CSMD1: variants seen among roughly 807,000 people sequenced by gnomAD.
CSMD1 encodes CUB and Sushi multiple domains 1, also known as CUB and sushi domain-containing protein 1.
CSMD1 carries 213 observed loss-of-function variants against 417.5 expected under a neutral mutation model. The ratio of observed to expected loss-of-function variants is 0.51; its 90% CI spans 0.46 to 0.57. The LOEUF (loss-of-function observed/expected upper bound fraction) is 0.57. Among genes scored for constraint, CSMD1 ranks in the 20% least tolerant of loss-of-function variants. CSMD1 has a pLI of 0.00. For synonymous variants in CSMD1, 2,862 were observed against 1,736.8 expected, an observed-to-expected ratio of 1.65 and a Z score of -16.11; for missense variants, 6,923 against 4,529.7, an observed-to-expected ratio of 1.53 and a Z score of -15.17.
At chr8:4,424,012 TAGTA>T (rs1489425839) in intron 2 of CSMD1, among the ~76,000 whole-genome samples, 1 of 151,938 alleles carries the variant, frequency 6.6e-6, no homozygotes, top group African/African-American at 2.4e-5. Context: ...CCATAGCAAA[TAGTA>T]AGTTTAACAC....
chr8:3,836,468 G>A (rs958053109), intron 5 of CSMD1, among the ~76,000 whole-genome samples: 1 of 152,138 alleles, frequency 6.6e-6, no homozygotes, highest in Non-Finnish European at 1.5e-5. Flanking sequence ...AACTGTAGAG[G>A]AGATGTAGCA....
intron 1 of CSMD1, among the ~76,000 whole-genome samples, chr8:4,725,182 T>C (rs991654136): frequency 6.6e-6 from 1 of 152,062 alleles, no homozygotes; most frequent in East Asian, 1.9e-4. Context: ...ACAATAAAAG[T>C]CAGAGAATAA....
chr8:3,582,672 C>T (rs534752046), intron 9 of CSMD1, among the ~76,000 whole-genome samples: 1 of 152,230 alleles, frequency 6.6e-6, no homozygotes, highest in East Asian at 1.9e-4. Context: ...AAAATGCACA[C>T]TGGATTTCCA....
chr8:3,661,781 G>T (rs1339721311), intron 7 of CSMD1, among the ~76,000 whole-genome samples: 2 of 152,030 alleles, frequency 1.3e-5, no homozygotes, highest in Non-Finnish European at 2.9e-5. Context: ...ACAGGCCTGA[G>T]CCACCATGAC....
At chr8:3,513,141 G>A (rs1302611979) in intron 10 of CSMD1, among the ~76,000 whole-genome samples, 1 of 150,418 alleles carries the variant, frequency 6.6e-6, no homozygotes, top group Non-Finnish European at 1.5e-5. Flanking sequence ...TTTTTTATAT[G>A]CCTTTATGGA....
intron 10 of CSMD1, among the ~76,000 whole-genome samples, chr8:3,557,655 A>G (rs975826464): frequency 6.6e-6 from 1 of 152,164 alleles, no homozygotes; most frequent in Admixed American, 6.5e-5. Context: ...TTCTGCGGAA[A>G]TGCTTGGAGC....
At chr8:3,934,623 G>A (rs1271104491) in intron 5 of CSMD1, among the ~76,000 whole-genome samples, 2 of 152,094 alleles carry the variant, frequency 1.3e-5, no homozygotes. Context: ...GGCAGGCCAA[G>A]GAGGTAGATC....
chr8:4,112,842 T>G (rs1307920477), intron 3 of CSMD1, among the ~76,000 whole-genome samples: 1 of 152,230 alleles, frequency 6.6e-6, no homozygotes, highest in Non-Finnish European at 1.5e-5. Context: ...TATTGCACTT[T>G]GCTGATATTG....
chr8:3,091,988 G>T (rs1187895145), intron 47 of CSMD1, among the ~76,000 whole-genome samples: 8 of 152,088 alleles, frequency 5.3e-5, no homozygotes, highest in Non-Finnish European at 1.2e-4. Flanking sequence ...TACTTACACA[G>T]GAAAATAGAA....
chr8:3,645,364 G>A (rs1797524325), intron 7 of CSMD1, among the ~76,000 whole-genome samples: 2 of 152,206 alleles, frequency 1.3e-5, no homozygotes, highest in Admixed American at 6.5e-5. Flanking sequence ...TGAGAAAAAT[G>A]CTGTGATTAG....
chr8:4,401,938 G>C (rs568408740), intron 3 of CSMD1, among the ~76,000 whole-genome samples: 1 of 151,890 alleles, frequency 6.6e-6, no homozygotes, highest in Non-Finnish European at 1.5e-5. Flanking sequence ...ATCCCACCCT[G>C]CTCTCCCGTG....
At chr8:3,522,114 A>T (rs1012003916) in intron 10 of CSMD1, among the ~76,000 whole-genome samples, 2 of 152,166 alleles carry the variant, frequency 1.3e-5, no homozygotes, top group Non-Finnish European at 2.9e-5. Flanking sequence ...TTTAACCCTC[A>T]ATTCTGTATT....
intron 4 of CSMD1, among the ~76,000 whole-genome samples, chr8:4,030,628 A>G (rs1797294388): frequency 6.6e-6 from 1 of 152,180 alleles, no homozygotes; most frequent in Non-Finnish European, 1.5e-5. Context: ...GACCTCTGAC[A>G]TGCCCTGGAG....
intron 1 of CSMD1, among the ~76,000 whole-genome samples, chr8:4,827,100 T>C (rs1426055961): frequency 6.6e-6 from 1 of 152,142 alleles, no homozygotes; most frequent in Admixed American, 6.5e-5. Flanking sequence ...AATGCCCTTG[T>C]CCTCAGGTGT....
chr8:3,270,693 T>C (rs966707603), intron 26 of CSMD1, among the ~76,000 whole-genome samples: 6 of 152,166 alleles, frequency 3.9e-5, no homozygotes, highest in African/African-American at 1.4e-4. Context: ...TACAAAACCA[T>C]TTACTTTAAA....
At chr8:3,791,832 T>C (rs1216082164) in intron 5 of CSMD1, among the ~76,000 whole-genome samples, 1 of 127,682 alleles carries the variant, frequency 7.8e-6, no homozygotes, top group African/African-American at 3.6e-5. Context: ...CAAATAATAA[T>C]AATAATAAAA....
chr8:3,654,151 T>G (rs1052870587), intron 7 of CSMD1, among the ~76,000 whole-genome samples: 1 of 152,224 alleles, frequency 6.6e-6, no homozygotes, highest in East Asian at 1.9e-4. Flanking sequence ...GGACACCCTG[T>G]GTGCACACAC....
At chr8:4,103,725 T>C (rs1002288914) in intron 3 of CSMD1, among the ~76,000 whole-genome samples, 79 of 152,154 alleles carry the variant, frequency 5.2e-4, no homozygotes, top group African/African-American at 1.9e-3. Flanking sequence ...AGTTCCTTTA[T>C]CCAAGACTTG....
At chr8:4,805,472 G>A (rs569671361) in intron 1 of CSMD1, among the ~76,000 whole-genome samples, 8 of 152,146 alleles carry the variant, frequency 5.3e-5, no homozygotes, top group South Asian at 2.1e-4. Flanking sequence ...AGCCTGCGTC[G>A]AGAAGTCAGC....
Sources: gnomAD v4.1 joint callset for allele counts (sites outside exome capture counted in the v4.1 genomes callset) on GRCh38, gnomAD v4.1.1 for gene constraint, MANE v1.5 for transcripts, NCBI Gene and HGNC (gene_info 2026-07-23, HGNC 2026-07-21) for gene names.